The following GNB1 variants were observed in gnomAD, a reference collection of about 807,000 sequenced individuals.
The protein encoded by GNB1 is G protein subunit beta 1.
A neutral mutation model predicts 42.9 loss-of-function variants in GNB1; 2 were observed. The ratio of observed to expected loss-of-function variants is 0.05; its 90% CI spans 0.02 to 0.15. The LOEUF (loss-of-function observed/expected upper bound fraction) is 0.15, where lower values mean the gene tolerates loss of function less well. Ranked by LOEUF, GNB1 falls within the 10% of genes least tolerant of loss-of-function variation. GNB1 has a pLI of 1.00. For synonymous variants in GNB1, 183 were observed against 174.7 expected, an observed-to-expected ratio of 1.05 and a Z score of -0.38; for missense variants, 193 against 462.2, an observed-to-expected ratio of 0.42 and a Z score of 5.34.
chr1:1,803,909 G>T (rs973331195), intron 7 of GNB1, among the ~76,000 whole-genome samples: 1 of 144,622 alleles, frequency 6.9e-6, no homozygotes, highest in South Asian at 2.2e-4. Context: ...TTGAACCCAG[G>T]AATCAGAGGT....
chr1:1,813,072 GC>G (rs1646804503), intron 5 of GNB1, among the ~76,000 whole-genome samples: 1 of 152,050 alleles, frequency 6.6e-6, no homozygotes, highest in Non-Finnish European at 1.5e-5. Context: ...TGGAGGAAAG[GC>G]CCCAGAGGTA....
At chr1:1,852,435 T>A (rs966820570) in intron 1 of GNB1, among the ~76,000 whole-genome samples, 1 of 152,106 alleles carries the variant, frequency 6.6e-6, no homozygotes, top group Admixed American at 6.6e-5. Context: ...TTTCACGATG[T>A]TAGCCAGGAT....
intron 1 of GNB1, among the ~76,000 whole-genome samples, chr1:1,880,643 G>A (rs992394805): frequency 6.6e-6 from 1 of 152,070 alleles, no homozygotes; most frequent in African/African-American, 2.4e-5. Flanking sequence ...GTGAATTCCT[G>A]AAACTGTCTC....
At chr1:1,854,200 G>A (rs1356082919) in intron 1 of GNB1, among the ~76,000 whole-genome samples, 1 of 152,190 alleles carries the variant, frequency 6.6e-6, no homozygotes, top group African/African-American at 2.4e-5. Context: ...AGGGGAAACA[G>A]GTGAGATGGG....
intron 1 of GNB1, among the ~76,000 whole-genome samples, chr1:1,884,439 C>T (rs1650033731): frequency 6.6e-6 from 1 of 151,950 alleles, no homozygotes; most frequent in Non-Finnish European, 1.5e-5. Context: ...CTTGAACTCC[C>T]AACCTCAGGT....
At chr1:1,868,175 G>C (rs558919995) in intron 1 of GNB1, among the ~76,000 whole-genome samples, 1 of 151,840 alleles carries the variant, frequency 6.6e-6, no homozygotes, top group African/African-American at 2.4e-5. Context: ...TGTGTGTTTT[G>C]TTTTTTTGTT....
chr1:1,835,442 G>A (rs1647133295), intron 2 of GNB1, among the ~76,000 whole-genome samples: 1 of 152,198 alleles, frequency 6.6e-6, no homozygotes, highest in South Asian at 2.1e-4. Context: ...AACCATGACT[G>A]ACACAGTAAA....
intron 7 of GNB1, among the ~76,000 whole-genome samples, chr1:1,796,214 G>A (rs1023326890): frequency 6.6e-6 from 1 of 152,188 alleles, no homozygotes; most frequent in Admixed American, 6.5e-5. Flanking sequence ...GGGGTGAGGT[G>A]TGTCCAGTGC....
chr1:1,840,785 G>A (rs1557918550), intron 1 of GNB1, among the ~76,000 whole-genome samples: 1 of 152,240 alleles, frequency 6.6e-6, no homozygotes, highest in Non-Finnish European at 1.5e-5. Context: ...AAGGTGGCTT[G>A]AATGGTGACA....
chr1:1,791,227 A>G (rs1557881025), intron 8 of GNB1, among the ~76,000 whole-genome samples: 1 of 149,078 alleles, frequency 6.7e-6, no homozygotes, highest in Non-Finnish European at 1.5e-5. Context: ...GCTGGAGTGC[A>G]ATGGCGCGAT....
chr1:1,820,084 C>T (rs1003915072), intron 3 of GNB1, among the ~76,000 whole-genome samples: 8 of 152,064 alleles, frequency 5.3e-5, no homozygotes, highest in Non-Finnish European at 7.4e-5. Flanking sequence ...TGGTCAGGCG[C>T]AGTGGCTCAT....
intron 3 of GNB1, among the ~76,000 whole-genome samples, chr1:1,821,063 C>A (rs1476247460): frequency 6.6e-6 from 1 of 152,164 alleles, no homozygotes; most frequent in Non-Finnish European, 1.5e-5. Flanking sequence ...CATATCCAAG[C>A]CACTCATCAG....
At chr1:1,826,387 G>C (rs1275475762) in intron 2 of GNB1, among the ~76,000 whole-genome samples, 1 of 152,056 alleles carries the variant, frequency 6.6e-6, no homozygotes, top group Non-Finnish European at 1.5e-5. Flanking sequence ...ACTGCATTCC[G>C]GCCTGGGTGA....
At chr1:1,866,196 T>TC (rs1204671656) in intron 1 of GNB1, among the ~76,000 whole-genome samples, 1 of 152,252 alleles carries the variant, frequency 6.6e-6, no homozygotes, top group Non-Finnish European at 1.5e-5. Context: ...CGCCTTGGTC[T>TC]CTCAAAGTGC....
At chr1:1,808,675 G>A (rs1188224330) in intron 5 of GNB1, among the ~76,000 whole-genome samples, 1 of 151,970 alleles carries the variant, frequency 6.6e-6, no homozygotes, top group Non-Finnish European at 1.5e-5. Flanking sequence ...ACAGAGTCTC[G>A]CTCTGTCACC....
intron 5 of GNB1, among the ~76,000 whole-genome samples, chr1:1,810,653 T>C (rs555988506): frequency 6.6e-6 from 1 of 151,952 alleles, no homozygotes; most frequent in Admixed American, 6.6e-5. Context: ...ATTGTGGGCC[T>C]TGCATGTAGT....
intron 1 of GNB1, among the ~76,000 whole-genome samples, chr1:1,875,252 T>C (rs1649479316): frequency 6.6e-6 from 1 of 151,858 alleles, no homozygotes; most frequent in African/African-American, 2.4e-5. Flanking sequence ...AGTGTAGTGG[T>C]GTGATCTCAG....
chr1:1,808,365 T>C (rs185764215), intron 5 of GNB1, among the ~76,000 whole-genome samples: 10 of 151,806 alleles, frequency 6.6e-5, no homozygotes, highest in African/African-American at 2.2e-4. Flanking sequence ...GGAATCCACA[T>C]GTTGAAAAGG....
intron 1 of GNB1, among the ~76,000 whole-genome samples, chr1:1,859,511 G>T (rs1413299448): frequency 6.6e-6 from 1 of 152,106 alleles, no homozygotes; most frequent in Non-Finnish European, 1.5e-5. Flanking sequence ...TCAATAAAGG[G>T]AATGTGAACT....
Sources: allele counts gnomAD v4.1 joint callset (sites outside exome capture counted in the v4.1 genomes callset), GRCh38; gene constraint gnomAD v4.1.1; transcripts MANE v1.5; gene names NCBI Gene and HGNC (gene_info 2026-07-23, HGNC 2026-07-21).